Variants in CCSER1 observed in about 807,000 individuals in gnomAD.
CCSER1 encodes the protein serine-rich coiled-coil domain-containing protein 1.
A neutral mutation model predicts 82.0 loss-of-function variants in CCSER1; 41 were observed. The ratio of observed to expected loss-of-function variants is 0.50; its 90% CI spans 0.39 to 0.65. The LOEUF is 0.65. Ranked by LOEUF, CCSER1 falls within the 30% of genes least tolerant of loss-of-function variation. The probability of loss-of-function intolerance (pLI) is 0.00; values close to 1 mark genes in which losing one functional copy is unlikely to be tolerated. For synonymous variants in CCSER1, 414 were observed against 383.9 expected (o/e 1.08, Z -0.92); for missense variants, 1,119 against 1,064.2 (o/e 1.05, Z -0.72).
chr4:91,413,853 A>G (rs1416606851), intron 10 of CCSER1, among the ~76,000 whole-genome samples: 1 of 152,176 alleles, frequency 6.6e-6, no homozygotes, highest in Admixed American at 6.6e-5. Flanking sequence ...ACTTCTCAGC[A>G]AAAACCTTAC....
At chr4:90,459,864 C>G (rs1307656712) in intron 4 of CCSER1, among the ~76,000 whole-genome samples, 1 of 152,106 alleles carries the variant, frequency 6.6e-6, no homozygotes, top group Non-Finnish European at 1.5e-5. Context: ...GTGAAGGACA[C>G]TTTTTTGCCA....
chr4:90,482,273 T>C (rs944316391), intron 5 of CCSER1, among the ~76,000 whole-genome samples: 1 of 152,198 alleles, frequency 6.6e-6, no homozygotes, highest in Admixed American at 6.5e-5. Context: ...TTCTTCTTTA[T>C]TAGTCTTGCT....
At chr4:91,114,050 C>A (rs891279059) in intron 10 of CCSER1, among the ~76,000 whole-genome samples, 3 of 152,098 alleles carry the variant, frequency 2.0e-5, no homozygotes, top group Admixed American at 2.0e-4. Context: ...GACGGGGTTT[C>A]ATCGTGTTAG....
chr4:90,981,991 C>A (rs1363758255), intron 9 of CCSER1, among the ~76,000 whole-genome samples: 1 of 151,772 alleles, frequency 6.6e-6, no homozygotes, highest in East Asian at 1.9e-4. Flanking sequence ...GCTGACTGGC[C>A]TAAGTTAGGC....
chr4:91,269,725 C>T (rs1373960510), intron 10 of CCSER1, among the ~76,000 whole-genome samples: 1 of 152,082 alleles, frequency 6.6e-6, no homozygotes, highest in African/African-American at 2.4e-5. Flanking sequence ...CAGATATTTT[C>T]TTGAACGACT....
intron 6 of CCSER1, among the ~76,000 whole-genome samples, chr4:90,705,559 C>T (rs372449905): frequency 8.5e-5 from 13 of 152,296 alleles, no homozygotes; most frequent in Middle Eastern, 3.4e-3. Flanking sequence ...TGGCTATGCC[C>T]GGCCCCCAGA....
intron 10 of CCSER1, among the ~76,000 whole-genome samples, chr4:91,164,847 T>A (rs1731857449): frequency 6.6e-6 from 1 of 152,168 alleles, no homozygotes; most frequent in Non-Finnish European, 1.5e-5. Context: ...ATTTTCAATG[T>A]TTTTAGCTTC....
At chr4:90,478,731 C>CTTTTTTTTTTTTTT (rs59376887) in intron 5 of CCSER1, among the ~76,000 whole-genome samples, 1 of 133,248 alleles carries the variant, frequency 7.5e-6, no homozygotes, top group Non-Finnish European at 1.6e-5. Flanking sequence ...TTCTTTCTTT[C>CTTTTTTTTTTTTTT]TTTTTTTTTT....
rs1159049766 is a variant in CCSER1 at position 90,690,540 on chromosome 4, CT to C, written c.1933-33373del. Reference sequence around the variant, plus strand: ...TTCTGTCTTAGGAAAACCTATTGTCCTGCATGTCAAATATTTCTACAGTTTT... The same window carrying C: ...TTCTGTCTTAGGAAAACCTATTGTCCGCATGTCAAATATTTCTACAGTTTT... On this transcript the variant is annotated intron_variant, in intron 6 of 10. Transcript: ENST00000509176. Among the ~76,000 whole-genome samples, 3 of 152,148 alleles carry C rather than the reference CT, an allele frequency of 2.0e-5. No homozygotes were observed. The East Asian group carries it at 5.8e-4, about 30-fold the overall frequency.
At chr4:91,214,328 C>T (rs1737067696) in intron 10 of CCSER1, among the ~76,000 whole-genome samples, 1 of 152,080 alleles carries the variant, frequency 6.6e-6, no homozygotes. Context: ...TAATAGGTTA[C>T]TTTTTGAGAT....
intron 9 of CCSER1, among the ~76,000 whole-genome samples, chr4:90,989,732 T>C (rs6849036): frequency 0.3 from 45,714 of 151,284 alleles, 7,673 homozygotes; most frequent in African/African-American, 0.44. Context: ...GGTTAGAGCT[T>C]CAGATAGTAC....
At chr4:90,983,955 T>C (rs1736356202) in intron 9 of CCSER1, among the ~76,000 whole-genome samples, 2 of 151,678 alleles carry the variant, frequency 1.3e-5, no homozygotes, top group South Asian at 4.1e-4. Context: ...TTCACTAAAG[T>C]ACTGTTTCTC....
In CCSER1 at chr4:90,737,390, A is replaced by G. The variant is rs182452573; in HGVS notation, c.2010+13399A>G. ...TGAGGATATCTTTGCTGGATAAACT[A>G]TTCTAGGATATAGGTTTTATTCCTT... On this transcript the variant is annotated intron_variant, in intron 7 of 10. Transcript: ENST00000509176. Among the ~76,000 whole-genome samples the G allele has an allele frequency of 4.0e-3, 615 of 152,244 alleles. 6 individuals are homozygous for G. Among genetic ancestry groups the G allele is most frequent in the African/African-American group, 0.014 (589 of 41,560 alleles).
chr4:90,534,232 C>T (rs1161090759), intron 5 of CCSER1, among the ~76,000 whole-genome samples: 1 of 152,180 alleles, frequency 6.6e-6, no homozygotes, highest in Non-Finnish European at 1.5e-5. Context: ...AGGGTTCACG[C>T]CATTCTCCTG....
chr4:90,262,760 A>G (rs1315419160), intron 1 of CCSER1, among the ~76,000 whole-genome samples: 1 of 151,824 alleles, frequency 6.6e-6, no homozygotes. Flanking sequence ...AAATCTGTCT[A>G]CCTCCCAGCC....
At chr4:91,203,248 G>C (rs181505459) in intron 10 of CCSER1, among the ~76,000 whole-genome samples, 1 of 152,018 alleles carries the variant, frequency 6.6e-6, no homozygotes, top group African/African-American at 2.4e-5. Context: ...GATGGCCAGT[G>C]ATGCTGAGCT....
At chr4:91,329,221 G>GA (rs1746778254) in intron 10 of CCSER1, among the ~76,000 whole-genome samples, 1 of 151,496 alleles carries the variant, frequency 6.6e-6, no homozygotes, top group Non-Finnish European at 1.5e-5. Context: ...AATGTAAAGG[G>GA]AAAAATATTT....
At chr4:91,592,316 TG>T (rs1163729719) in intron 10 of CCSER1, among the ~76,000 whole-genome samples, 1 of 152,100 alleles carries the variant, frequency 6.6e-6, no homozygotes, top group African/African-American at 2.4e-5. Context: ...AATAGCAGCA[TG>T]GGGGTAACTG....
chr4:90,211,096 A>G (rs1469334111), intron 1 of CCSER1, among the ~76,000 whole-genome samples: 2 of 152,218 alleles, frequency 1.3e-5, no homozygotes, highest in Admixed American at 1.3e-4. Flanking sequence ...TCAGACAATG[A>G]TAGGGAACTT....
Sources: allele counts gnomAD v4.1 joint callset (sites outside exome capture counted in the v4.1 genomes callset), GRCh38; gene constraint gnomAD v4.1.1; transcripts MANE v1.5; gene names NCBI Gene and HGNC (gene_info 2026-07-23, HGNC 2026-07-21).